SHANK2: variants seen among roughly 807,000 people sequenced by gnomAD.
SHANK2 encodes the protein SH3 and multiple ankyrin repeat domains protein 2.
Under a neutral mutation model 133.7 loss-of-function variants are expected in SHANK2, and 43 were observed. The observed-to-expected ratio is 0.32, with a 90% CI of 0.25 to 0.41. The LOEUF (loss-of-function observed/expected upper bound fraction) is 0.41, where lower values mean the gene tolerates loss of function less well. SHANK2 is among the 10% of genes least tolerant of loss of function. SHANK2 has a pLI of 1.00. For missense variants in SHANK2, 1,994 were observed against 2,235.8 expected (o/e 0.89, Z 2.18); for synonymous variants, 1,017 against 952.8 (o/e 1.07, Z -1.24).
intron 17 of SHANK2, among the ~76,000 whole-genome samples, chr11:70,584,442 T>C (rs1333933824): frequency 6.6e-5 from 10 of 152,220 alleles, no homozygotes; most frequent in Admixed American, 5.2e-4. Flanking sequence ...GATTTTCAAA[T>C]GCTAACCAAC....
At chr11:70,539,779 G>A (rs561881515) in intron 17 of SHANK2, among the ~76,000 whole-genome samples, 5 of 152,146 alleles carry the variant, frequency 3.3e-5, no homozygotes, top group African/African-American at 7.2e-5. Flanking sequence ...CTCCCGGGGG[G>A]GCCGTAGCAG....
At chr11:71,144,420 C>T (rs1555106333) in intron 3 of SHANK2, among the ~76,000 whole-genome samples, 1 of 152,130 alleles carries the variant, frequency 6.6e-6, no homozygotes, top group Non-Finnish European at 1.5e-5. Context: ...ACAGAGGACC[C>T]CGTGGAGGAT....
chr11:71,218,407 G>A (rs558096772), intron 2 of SHANK2, among the ~76,000 whole-genome samples: 7 of 151,956 alleles, frequency 4.6e-5, no homozygotes, highest in Non-Finnish European at 5.9e-5. Flanking sequence ...GGGACTACAG[G>A]TATGTGCCAC....
At chr11:70,633,272 TTA>T (rs1267782156) in intron 17 of SHANK2, among the ~76,000 whole-genome samples, 1 of 148,610 alleles carries the variant, frequency 6.7e-6, no homozygotes, top group African/African-American at 2.4e-5. Flanking sequence ...ATAAGTATAT[TTA>T]TATATATATA....
At chr11:70,750,838 C>T (rs528845573) in intron 14 of SHANK2, among the ~76,000 whole-genome samples, 3 of 152,252 alleles carry the variant, frequency 2.0e-5, no homozygotes, top group Admixed American at 6.5e-5. Flanking sequence ...GCTCATTTGA[C>T]GTTGGAAACC....
chr11:70,906,032 C>T (rs574709977), intron 10 of SHANK2, among the ~76,000 whole-genome samples: 1 of 152,260 alleles, frequency 6.6e-6, no homozygotes, highest in East Asian at 1.9e-4. Context: ...AGGCTGATCT[C>T]AAACTCCTGA....
Position 70,473,351 on chromosome 11 carries a change from G to C in SHANK2, c.5068C>G (p.Leu1690Val). 6.2e-7 allele frequency: 1 copy of C among 1,613,230 alleles called. No individual in the cohort carries two copies. The highest frequency in any genetic ancestry group is 8.5e-7 in the Non-Finnish European group (1 of 1,180,040). Residue 1690 changes from leucine (L) to valine (V), a missense_variant, in exon 26 of 26, where the codon CTG becomes GTG. Physicochemically the swap from Leu to Val is conservative, Grantham distance 32. Around this residue, in one of 5 missense-constraint regions of SHANK2, gnomAD observed 797 missense variants for 907.4 expected, o/e 0.88. Transcript: ENST00000601538. The surrounding 1 kb of genome is among the most constrained non-coding windows in gnomAD (Gnocchi z 5.9). ...TCATAGTCGGGGGGCCGGCTCTGCAGGGTGATGGGCTGGGAGGTGCCGGGG... is the reference window on the plus strand; with the variant it reads ...TCATAGTCGGGGGGCCGGCTCTGCACGGTGATGGGCTGGGAGGTGCCGGGG... ...VRPGTSQPIT[L>V]QSRPPDYESR...
chr11:70,766,527 C>A (rs905353244), intron 14 of SHANK2, among the ~76,000 whole-genome samples: 2 of 152,100 alleles, frequency 1.3e-5, no homozygotes, highest in Non-Finnish European at 2.9e-5. Flanking sequence ...TTGATGCTTT[C>A]GAATTACAGA....
At chr11:70,553,972 G>C (rs184694033) in intron 17 of SHANK2, among the ~76,000 whole-genome samples, 119 of 152,354 alleles carry the variant, frequency 7.8e-4, no homozygotes, top group African/African-American at 2.7e-3. Flanking sequence ...GAAGTCAGCA[G>C]CAATCTGAAT....
chr11:70,667,572 T>C (rs1276527905), intron 15 of SHANK2, among the ~76,000 whole-genome samples: 4 of 152,136 alleles, frequency 2.6e-5, no homozygotes, highest in Non-Finnish European at 5.9e-5. Flanking sequence ...CTGGGCGCCA[T>C]GACAGACTCA....
chr11:71,130,354 A>G (rs2135325408), intron 3 of SHANK2, among the ~76,000 whole-genome samples: 1 of 152,338 alleles, frequency 6.6e-6, no homozygotes, highest in East Asian at 1.9e-4. Flanking sequence ...CCGGCCTGCC[A>G]GGGTCACAGG....
At chr11:70,499,800 C>T (rs2059024735) in intron 21 of SHANK2, among the ~76,000 whole-genome samples, 1 of 152,188 alleles carries the variant, frequency 6.6e-6, no homozygotes. Context: ...CAGGTCGGGA[C>T]AGTGGTGGTT....
Position 70,659,843 on chromosome 11 carries a change from C to T in SHANK2, c.2046G>A (p.Gly682=). 6.2e-7 allele frequency: 1 copy of T among 1,614,152 alleles called. No homozygotes were observed. Among genetic ancestry groups the T allele is most frequent in the Admixed American group, 1.7e-5 (1 of 60,026 alleles). ...GVAWQAGLRT[G]DFLIEVNNEN... is the part of the protein sequence containing the mutation. ...GTGTCCCTACCTCAATCAAGAAGTC[C>T]CCGGTCCTTAGTCCGGCTTGCCACG... The change falls in exon 17 of 26, where the codon GGG becomes GGA. Residue 682 remains glycine, a synonymous_variant. Coordinates refer to ENST00000601538, the MANE Select transcript of SHANK2 (RefSeq NM_012309.5).
Position 71,196,661 on chromosome 11 carries a change from A to C in SHANK2, c.-13+28036T>G, listed in dbSNP as rs184630773. On this transcript the variant is annotated intron_variant, in intron 2 of 25. Transcript: ENST00000601538. ...AATGTCAAAGGCTCTCTGGCACAAC[A>C]AACCAGGGGTCTCCCTGCATGCCCT... Among the ~76,000 whole-genome samples, 284 of 151,882 alleles carry C rather than the reference A, an allele frequency of 1.9e-3. 1 individual carries two copies. The highest frequency in any genetic ancestry group is 6.6e-3 in the African/African-American group (272 of 41,468).
At chr11:70,862,249 A>G (rs1949271149) in intron 11 of SHANK2, among the ~76,000 whole-genome samples, 1 of 152,238 alleles carries the variant, frequency 6.6e-6, no homozygotes, top group Non-Finnish European at 1.5e-5. Context: ...ACCTGCTGCG[A>G]TTAAGTGTCT....
intron 14 of SHANK2, among the ~76,000 whole-genome samples, chr11:70,790,011 T>C (rs1303925521): frequency 6.6e-6 from 1 of 152,368 alleles, no homozygotes; most frequent in Admixed American, 6.5e-5. Flanking sequence ...ATAAGATGTG[T>C]CGCTGAAAAC....
intron 6 of SHANK2, among the ~76,000 whole-genome samples, chr11:71,100,431 AC>A (rs1951699284): frequency 6.6e-6 from 1 of 152,262 alleles, no homozygotes; most frequent in South Asian, 2.1e-4. Context: ...ATGTTGTTCA[AC>A]ACTAAAGAGA....
chr11:70,480,598 G>C (rs1235175742), intron 25 of SHANK2, among the ~76,000 whole-genome samples: 9 of 152,180 alleles, frequency 5.9e-5, no homozygotes, highest in Non-Finnish European at 8.8e-5. Flanking sequence ...GGGGCATCTG[G>C]AATGTTTTCT....
intron 2 of SHANK2, among the ~76,000 whole-genome samples, chr11:71,223,125 C>A (rs116587770): frequency 1.3e-5 from 2 of 152,156 alleles, no homozygotes; most frequent in African/African-American, 4.8e-5. Flanking sequence ...GGAGAGAGTC[C>A]GACTGCATTT....
Sources: gnomAD v4.1 joint callset for allele counts (sites outside exome capture counted in the v4.1 genomes callset) on GRCh38, gnomAD v4.1.1 for gene constraint, gnomAD v4.1.1 regional missense constraint, Gnocchi (gnomAD v3.1) non-coding constraint, MANE v1.5 for transcripts, NCBI Gene and HGNC (gene_info 2026-07-23, HGNC 2026-07-21) for gene names.